The following GPHN variants were observed in gnomAD, a reference collection of about 807,000 sequenced individuals.
GPHN encodes the protein gephyrin.
A neutral mutation model predicts 95.5 loss-of-function variants in GPHN; 17 were observed. The observed-to-expected ratio is 0.18, with a 90% confidence interval of 0.12 to 0.27. The LOEUF is 0.27. Ranked by LOEUF, GPHN falls within the 10% of genes least tolerant of loss-of-function variation. GPHN has a pLI of 1.00. For synonymous variants in GPHN, 320 were observed against 322.5 expected, an observed-to-expected ratio of 0.99 and a Z score of 0.08; for missense variants, 660 against 978.1, an observed-to-expected ratio of 0.67 and a Z score of 4.34.
At chr14:67,561,985 A>G in the GPHN span, 1 of 1,613,908 alleles carries the variant, frequency 6.2e-7, no homozygotes, top group Non-Finnish European at 8.5e-7. Flanking sequence ...CTGAAAAGCC[A>G]TAATCAGCGC....
At chr14:67,521,799 A>G in the GPHN span, among the ~76,000 whole-genome samples, 66 of 152,376 alleles carry the variant, frequency 4.3e-4, no homozygotes, top group African/African-American at 1.5e-3. Context: ...ATAAGAGCAC[A>G]CATTGAAACC....
chr14:67,616,541 TA>T, the GPHN span: 1 of 145,912 alleles, frequency 6.9e-6, no homozygotes, highest in African/African-American at 2.8e-5. Flanking sequence ...TACATACAAT[TA>T]TTATTATTAT....
intron 2 of GPHN, among the ~76,000 whole-genome samples, chr14:66,737,090 A>G (rs2072362743): frequency 6.6e-6 from 1 of 152,192 alleles, no homozygotes; most frequent in Non-Finnish European, 1.5e-5. Context: ...GTACTTTTCT[A>G]GGCATATTAA....
chr14:66,976,922 G>C (rs1322407447), intron 9 of GPHN, among the ~76,000 whole-genome samples: 2 of 137,328 alleles, frequency 1.5e-5, no homozygotes, highest in East Asian at 4.9e-4. Context: ...ATGTGGGGGG[G>C]GGGGGAGTAC....
At chr14:66,539,607 G>T (rs200924247) in intron 1 of GPHN, among the ~76,000 whole-genome samples, 4 of 76,164 alleles carry the variant, frequency 5.3e-5, no homozygotes, top group South Asian at 9.0e-4. Flanking sequence ...AGAGACGGGT[G>T]TTGGTCAGGC....
At chr14:67,056,765 T>C (rs1398426500) in intron 10 of GPHN, among the ~76,000 whole-genome samples, 1 of 131,312 alleles carries the variant, frequency 7.6e-6, no homozygotes. Flanking sequence ...CTGGGCGCTG[T>C]GGAGCAGGGG....
chr14:67,650,274 G>A, the GPHN span: 1 of 216,900 alleles, frequency 4.6e-6, no homozygotes, highest in East Asian at 1.1e-4. Flanking sequence ...AAGTGGGAAT[G>A]CAGTTTGGCT....
intron 2 of GPHN, among the ~76,000 whole-genome samples, chr14:66,721,590 T>C (rs1272396746): frequency 6.6e-6 from 1 of 152,160 alleles, no homozygotes; most frequent in Non-Finnish European, 1.5e-5. Flanking sequence ...AGACAAATCC[T>C]TTGATATTTT....
the GPHN span, among the ~76,000 whole-genome samples, chr14:67,300,876 G>C: frequency 1.3e-5 from 2 of 151,432 alleles, no homozygotes; most frequent in African/African-American, 4.9e-5. Context: ...TTATAAAATA[G>C]AGACAGGGTC....
chr14:67,323,981 A>G, the GPHN span, among the ~76,000 whole-genome samples: 3 of 152,330 alleles, frequency 2.0e-5, no homozygotes, highest in African/African-American at 4.8e-5. Flanking sequence ...GGGTTGGACT[A>G]TGGCAGCTTT....
chr14:67,581,881 A>T, the GPHN span: 1 of 584,176 alleles, frequency 1.7e-6, no homozygotes, highest in Non-Finnish European at 3.0e-6. Flanking sequence ...GTATGAGATC[A>T]GCATGACCCT....
At chr14:66,631,314 T>C (rs1053016692) in intron 1 of GPHN, among the ~76,000 whole-genome samples, 1 of 152,310 alleles carries the variant, frequency 6.6e-6, no homozygotes, top group Admixed American at 6.5e-5. Flanking sequence ...CCCAAAGTGC[T>C]GGGATTACAG....
At chr14:66,760,631 T>G (rs762053774) in intron 2 of GPHN, 17 of 403,976 alleles carry the variant, frequency 4.2e-5, no homozygotes, top group Non-Finnish European at 6.6e-5. Flanking sequence ...ATTTTGTAAA[T>G]CTAAATGTTA....
the GPHN span, among the ~76,000 whole-genome samples, chr14:67,698,813 T>C: frequency 6.6e-6 from 1 of 152,332 alleles, no homozygotes. Context: ...TGAACAAATG[T>C]GTTCAAATGT....
the GPHN span, among the ~76,000 whole-genome samples, chr14:67,311,383 T>G: frequency 6.6e-6 from 1 of 151,970 alleles, no homozygotes; most frequent in African/African-American, 2.4e-5. Flanking sequence ...CTTAGACTGT[T>G]TGTCTTTTGC....
intron 1 of GPHN, among the ~76,000 whole-genome samples, chr14:66,517,141 AAAAAAAAAAAAG>A (rs2058279507): frequency 2.0e-5 from 3 of 150,762 alleles, no homozygotes; most frequent in African/African-American, 7.3e-5. Flanking sequence ...AAAAAAAAAA[AAAAAAAAAAAAG>A]AAGAAACTGA....
chr14:66,708,467 C>T (rs1444571705), intron 2 of GPHN, among the ~76,000 whole-genome samples: 1 of 152,084 alleles, frequency 6.6e-6, no homozygotes, highest in Non-Finnish European at 1.5e-5. Flanking sequence ...AACTTTCTTC[C>T]TGTATTTCAC....
the GPHN span, among the ~76,000 whole-genome samples, chr14:67,443,704 G>C: frequency 0.36 from 54,309 of 151,920 alleles, 10,100 homozygotes; most frequent in South Asian, 0.43. Context: ...GGGGTTCAAG[G>C]CTATGATCAT....
intron 2 of GPHN, among the ~76,000 whole-genome samples, chr14:66,717,955 T>C (rs1177596263): frequency 6.6e-6 from 1 of 152,130 alleles, no homozygotes; most frequent in Non-Finnish European, 1.5e-5. Context: ...CTTTGGTGGT[T>C]TAATGCTCTA....
Sources: allele counts gnomAD v4.1 joint callset (sites outside exome capture counted in the v4.1 genomes callset), GRCh38; gene constraint gnomAD v4.1.1; transcripts MANE v1.5; gene names NCBI Gene and HGNC (gene_info 2026-07-23, HGNC 2026-07-21).